Variants in AADAC observed in about 807,000 individuals in gnomAD.
AADAC encodes arylacetamide deacetylase (esterase).
Under a neutral mutation model 22.7 loss-of-function variants are expected in AADAC, and 17 were observed. The observed-to-expected ratio is 0.75, with a 90% CI of 0.51 to 1.12. The LOEUF (loss-of-function observed/expected upper bound fraction) is 1.12, where lower values mean the gene tolerates loss of function less well. Among genes scored for constraint, AADAC ranks in the 50% most tolerant of loss-of-function variants. The probability of loss-of-function intolerance (pLI) is 0.00; values close to 1 mark genes in which losing one functional copy is unlikely to be tolerated. For synonymous variants in AADAC, 167 were observed against 176.3 expected, an observed-to-expected ratio of 0.95 and a Z score of 0.42; for missense variants, 465 against 473.9, an observed-to-expected ratio of 0.98 and a Z score of 0.17.
Position 151,828,227 on chromosome 3 carries a change from T to A in AADAC, c.*55T>A. Reference sequence around the variant, plus strand: ...AATAAAATCTGAAAACCTCAGAAAATTTGCATTAGAAATTGGTCTTTCTTA... The same window carrying A: ...AATAAAATCTGAAAACCTCAGAAAAATTGCATTAGAAATTGGTCTTTCTTA... On this transcript the variant is annotated 3_prime_UTR_variant, in exon 5 of 5. Coordinates refer to ENST00000232892, the MANE Select transcript of AADAC (RefSeq NM_001086.3). 3 of 1,196,620 alleles carry A rather than the reference T, an allele frequency of 2.5e-6. No homozygotes were observed. Among genetic ancestry groups the A allele is most frequent in the Non-Finnish European group, 3.4e-6 (3 of 890,574 alleles). The allele number at this position is 1,196,620 out of a possible 1,614,324, so 74.1% of individuals were successfully genotyped here. A position where few individuals can be genotyped will look rare whatever the true frequency, so the allele number is the denominator to read the frequency against.
chr3:151,815,247 A>T (rs1229630863), intron 1 of AADAC, among the ~76,000 whole-genome samples: 2 of 152,056 alleles, frequency 1.3e-5, no homozygotes, highest in African/African-American at 4.8e-5. Context: ...TCTGAAGAGG[A>T]AACAGCTACT....
At chr3:151,826,022 G>A (rs1181766224) in intron 4 of AADAC, among the ~76,000 whole-genome samples, 1 of 151,798 alleles carries the variant, frequency 6.6e-6, no homozygotes, top group Non-Finnish European at 1.5e-5. Context: ...TTTATTAGTT[G>A]ACTTTAGTTA....
chr3:151,826,375 A>C (rs1019788370), intron 4 of AADAC, among the ~76,000 whole-genome samples: 1 of 151,764 alleles, frequency 6.6e-6, no homozygotes, highest in South Asian at 2.1e-4. Context: ...AGAAAAATGA[A>C]CTCTTTCAAC....
chr3:151,825,441 A>G (rs1377021338), intron 4 of AADAC, among the ~76,000 whole-genome samples: 1 of 151,812 alleles, frequency 6.6e-6, no homozygotes, highest in East Asian at 1.9e-4. Context: ...ATATTATATT[A>G]AGTAGGTGAA....
chr3:151,815,097 G>GA (rs1406137045), intron 1 of AADAC, among the ~76,000 whole-genome samples: 2 of 151,854 alleles, frequency 1.3e-5, no homozygotes, highest in African/African-American at 4.8e-5. Flanking sequence ...TAGTGGTGGA[G>GA]AAAAAAATAA....
At chr3:151,827,533 GTT>G (rs11306821) in intron 4 of AADAC, 41 bp from the exon 5 acceptor site, 8 of 1,224,798 alleles carry the variant, frequency 6.5e-6, no homozygotes, top group African/African-American at 1.5e-5. Flanking sequence ...ATATTTTATT[GTT>G]TTAAATGAAA....
rs560814439 is a variant in AADAC, at chr3:151,826,314, A to G, written c.604-1262A>G. On this transcript the variant is annotated intron_variant, in intron 4 of 4. Coordinates refer to ENST00000232892, the MANE Select transcript of AADAC (RefSeq NM_001086.3). ...AACTTGGAGATGCAGTAATTTCTAG[A>G]TTTGATATTGGCTTAATCTCCCTAA... Among the ~76,000 whole-genome samples, 7 of 152,078 alleles carry G rather than the reference A, an allele frequency of 4.6e-5. 1 individual carries two copies. The South Asian group carries it at 1.5e-3, about 32-fold the overall frequency.
intron 1 of AADAC, among the ~76,000 whole-genome samples, chr3:151,815,740 T>C (rs147024949): frequency 4.1e-4 from 62 of 152,186 alleles, no homozygotes; most frequent in Non-Finnish European, 6.3e-4. Context: ...TCAGTCGATA[T>C]ACCTTTTAAA....
chr3:151,817,865 C>T (rs536884257), intron 2 of AADAC, among the ~76,000 whole-genome samples: 1 of 152,112 alleles, frequency 6.6e-6, no homozygotes, highest in African/African-American at 2.4e-5. Context: ...TCATTCTCCA[C>T]TTGATATTAC....
chr3:151,819,108 A>G (rs921194374), intron 2 of AADAC, among the ~76,000 whole-genome samples: 1 of 95,638 alleles, frequency 1.0e-5, no homozygotes, highest in African/African-American at 3.7e-5. Context: ...AAGACAGAAG[A>G]TTAAAAAAAT....
rs565881969 is a variant in AADAC, at chr3:151,828,387, C to T, written c.*215C>T. ...TTTTTCTGAGATTTTCCTTCTTACA[C>T]TGTTAATCTTATTTTAAAAAATATT... On this transcript the variant is annotated 3_prime_UTR_variant, in exon 5 of 5. Transcript: ENST00000232892. The T allele has an allele frequency of 4.7e-4, 150 of 320,382 alleles. No individual in the cohort carries two copies. The highest frequency in any genetic ancestry group is 2.9e-3 in the African/African-American group (137 of 46,704). 19.8% of individuals were successfully genotyped at this position (320,382 alleles called of 1,614,324 possible).
chr3:151,818,577 A>C (rs1716100875), intron 2 of AADAC, among the ~76,000 whole-genome samples: 1 of 152,012 alleles, frequency 6.6e-6, no homozygotes, highest in South Asian at 2.1e-4. Context: ...AAATAGGCGG[A>C]TTGGTTACAG....
chr3:151,820,112 G>A (rs998020081), intron 2 of AADAC, among the ~76,000 whole-genome samples: 1 of 151,270 alleles, frequency 6.6e-6, no homozygotes, highest in Non-Finnish European at 1.5e-5. Flanking sequence ...TCTAGAGAAT[G>A]AGTCTGACAC....
intron 1 of AADAC, among the ~76,000 whole-genome samples, chr3:151,815,907 A>C (rs1378201681): frequency 6.6e-6 from 1 of 151,792 alleles, no homozygotes; most frequent in Non-Finnish European, 1.5e-5. Context: ...CATACCCTTT[A>C]TTAAAGGATT....
chr3:151,817,242 T>G, intron 1 of AADAC, 124 bp from the exon 2 acceptor site: 4 of 778,166 alleles, frequency 5.1e-6, no homozygotes, highest in Non-Finnish European at 8.3e-6. Context: ...CAAGCAGGAT[T>G]CATGCATGAA....
intron 3 of AADAC, among the ~76,000 whole-genome samples, chr3:151,821,766 T>C (rs1716264003): frequency 1.3e-5 from 2 of 151,898 alleles, no homozygotes; most frequent in African/African-American, 4.8e-5. Context: ...ACATGAAAGA[T>C]AAAATATACT....
chr3:151,814,802 A>G (rs995251687), intron 1 of AADAC, among the ~76,000 whole-genome samples: 1 of 152,052 alleles, frequency 6.6e-6, no homozygotes, highest in African/African-American at 2.4e-5. Context: ...ACGGCACAAT[A>G]TGCACAAATG....
rs1451447111 is a variant in AADAC, at chr3:151,828,379, T to G, written c.*207T>G. ...CTATCTGCTTTTTCTGAGATTTTCC[T>G]TCTTACACTGTTAATCTTATTTTAA... On this transcript the variant is annotated 3_prime_UTR_variant, in exon 5 of 5. Transcript: ENST00000232892. 1.4e-5 allele frequency: 5 copies of G among 348,190 alleles called. No homozygotes were observed. The highest frequency in any genetic ancestry group is 1.1e-4 in the African/African-American group (5 of 47,314). The allele number at this position is 348,190 out of a possible 1,614,324, so 21.6% of individuals were successfully genotyped here. A position where few individuals can be genotyped will look rare whatever the true frequency, so the allele number is the denominator to read the frequency against.
chr3:151,822,430 T>C (rs1716289407), intron 3 of AADAC, among the ~76,000 whole-genome samples: 1 of 152,016 alleles, frequency 6.6e-6, no homozygotes, highest in African/African-American at 2.4e-5. Context: ...ATGAATAAAA[T>C]GTGGTATATC....
Sources: gnomAD v4.1 joint callset for allele counts (sites outside exome capture counted in the v4.1 genomes callset) on GRCh38, gnomAD v4.1.1 for gene constraint, MANE v1.5 for transcripts, NCBI Gene and HGNC (gene_info 2026-07-23, HGNC 2026-07-21) for gene names.